The following TRIM25 variants were observed in gnomAD, a reference collection of about 807,000 sequenced individuals.
TRIM25 encodes the protein tripartite motif containing 25.
In TRIM25, 45 loss-of-function variants were observed where a neutral mutation model predicts 65.2. The observed-to-expected ratio is 0.69, with a 90% CI of 0.54 to 0.89. The LOEUF (loss-of-function observed/expected upper bound fraction) is 0.89, where lower values mean the gene tolerates loss of function less well. Ranked by LOEUF, TRIM25 falls within the 40% of genes least tolerant of loss-of-function variation. The pLI, the probability that TRIM25 is intolerant of heterozygous loss-of-function variation, is 0.00. For synonymous variants in TRIM25, 321 were observed against 340.4 expected (o/e 0.94, Z 0.63); for missense variants, 714 against 803.7 (o/e 0.89, Z 1.35).
In TRIM25 at chr17:56,913,664, G is replaced by A; in HGVS notation, c.325C>T (p.His109Tyr). ...TTCACGGCGGCCTCCTTCAGGCAGT[G>A]GTCGCAGGCCACCTGGGCATTCGGG... Reference protein sequence around the residue: ...PSPNAQVACDHCLKEAAVKTC... With the variant: ...PSPNAQVACDYCLKEAAVKTC... The change falls in exon 1 of 9, where the codon CAC (histidine) becomes TAC (tyrosine). Residue 109 changes from histidine to tyrosine, a missense_variant. By Grantham distance (83) the His-to-Tyr change is moderately conservative. Transcript: ENST00000316881. This position sits in a 1 kb window ranked among gnomAD's most constrained non-coding sequence, Gnocchi z 6.1. 1 of 1,595,544 alleles carries A rather than the reference G, an allele frequency of 6.3e-7. No individual in the cohort carries two copies.
At position 56,891,631 on chromosome 17, in the gene TRIM25, C is replaced by T; in HGVS notation, c.*69G>A. 1.5e-6 allele frequency: 2 copies of T among 1,315,492 alleles called. No individual in the cohort carries two copies. The highest frequency in any genetic ancestry group is 4.3e-5 in the East Asian group (1 of 23,216). The allele number at this position is 1,315,492 out of a possible 1,614,324, so 81.5% of individuals were successfully genotyped here. On this transcript the variant is annotated 3_prime_UTR_variant, in exon 9 of 9. Transcript: ENST00000316881. ...CTTGGGGAATTATCCAAGGAGAGTT[C>T]TGCCTGCTGTATTTTCACTAGGGTC...
Position 56,908,536 on chromosome 17 carries a change from T to C in TRIM25, c.625A>G (p.Met209Val), listed in dbSNP as rs775394976. ...EATLRHKLTV[M>V]YSQINGASRA... ...GACGCCCCGTTGATCTGACTGTACA[T>C]GACAGTTAGTTTGTGCCTCAGGGTG... Residue 209 changes from methionine (M) to valine (V), a missense_variant, in exon 2 of 9, where the codon ATG becomes GTG. Transcript: ENST00000316881. 1.2e-6 allele frequency: 2 copies of C among 1,614,046 alleles called. No individual in the cohort carries two copies. Among genetic ancestry groups the C allele is most frequent in the Non-Finnish European group, 1.7e-6 (2 of 1,180,026 alleles).
Position 56,891,553 on chromosome 17 carries a change from C to CA in TRIM25, c.*146dup. 2.0e-6 allele frequency: 1 copy of CA among 489,802 alleles called. No individual in the cohort carries two copies. The highest frequency in any genetic ancestry group is 3.6e-6 in the Non-Finnish European group (1 of 275,770). 30.3% of individuals were successfully genotyped at this position (489,802 alleles called of 1,614,324 possible). A position where few individuals can be genotyped will look rare whatever the true frequency, so the allele number is the denominator to read the frequency against. Reference sequence around the variant, plus strand: ...TCTCACCCCTTTCCTGGCTAAATCCCACCTCCCACCCTCCCGCCAGCTCCC... The same window carrying CA: ...TCTCACCCCTTTCCTGGCTAAATCCCAACCTCCCACCCTCCCGCCAGCTCCC... On this transcript the variant is annotated 3_prime_UTR_variant, in exon 9 of 9. Transcript: ENST00000316881.
rs1877656749 is a variant in TRIM25 at position 56,891,394 on chromosome 17, C to T, written c.*306G>A. On this transcript the variant is annotated 3_prime_UTR_variant, in exon 9 of 9. Transcript: ENST00000316881. ...GATTTTCTCTAAGAGGAATCGGGCA[C>T]TCATGACTTCACTTCCCAGAGCTCT... is the stretch of plus-strand genomic sequence containing the variant. 1 of 412,216 alleles carries T rather than the reference C, an allele frequency of 2.4e-6. No individual in the cohort carries two copies. Among genetic ancestry groups the T allele is most frequent in the South Asian group, 2.7e-5 (1 of 36,570 alleles). The allele number at this position is 412,216 out of a possible 1,614,324, so 25.5% of individuals were successfully genotyped here. A position where few individuals can be genotyped will look rare whatever the true frequency, so the allele number is the denominator to read the frequency against.
intron 8 of TRIM25, among the ~76,000 whole-genome samples, chr17:56,892,701 CA>C (rs1236549666): frequency 1.3e-5 from 2 of 152,224 alleles, no homozygotes; most frequent in Admixed American, 1.3e-4. Flanking sequence ...AGCCATCTAT[CA>C]TCTATCAGTC....
chr17:56,892,258 T>C (rs1909191256), intron 8 of TRIM25, 29 bp from the exon 9 acceptor site: 1 of 1,558,944 alleles, frequency 6.4e-7, no homozygotes, highest in Admixed American at 1.9e-5. Context: ...AAGGAATTAA[T>C]TACAAGGGGC....
chr17:56,904,682 G>A (rs1322561908), intron 2 of TRIM25, among the ~76,000 whole-genome samples, 194 bp from the exon 3 acceptor site: 1 of 152,168 alleles, frequency 6.6e-6, no homozygotes, highest in Non-Finnish European at 1.5e-5. Context: ...GGCAACTCCA[G>A]TCCTAGGAAT....
At chr17:56,895,721 G>T in intron 6 of TRIM25, 117 bp from the exon 7 acceptor site, 2 of 1,268,732 alleles carry the variant, frequency 1.6e-6, no homozygotes, top group Non-Finnish European at 1.1e-6. Context: ...CAACACAGGG[G>T]AAAACAGACA....
Position 56,891,400 on chromosome 17 carries a change from A to T in TRIM25, c.*300T>A. Reference sequence around the variant, plus strand: ...CTCTAAGAGGAATCGGGCACTCATGACTTCACTTCCCAGAGCTCTGCCCAG... The same window carrying T: ...CTCTAAGAGGAATCGGGCACTCATGTCTTCACTTCCCAGAGCTCTGCCCAG... On this transcript the variant is annotated 3_prime_UTR_variant, in exon 9 of 9. Coordinates refer to ENST00000316881, the MANE Select transcript of TRIM25 (RefSeq NM_005082.5). The T allele has an allele frequency of 2.4e-6, 1 of 421,666 alleles. No individual in the cohort carries two copies. The highest frequency in any genetic ancestry group is 2.7e-5 in the South Asian group (1 of 36,754). The allele number at this position is 421,666 out of a possible 1,614,324, so 26.1% of individuals were successfully genotyped here. A position where few individuals can be genotyped will look rare whatever the true frequency, so the allele number is the denominator to read the frequency against.
rs1598068965 is a variant in TRIM25 at position 56,891,212 on chromosome 17, G to A, written c.*488C>T. On this transcript the variant is annotated 3_prime_UTR_variant, in exon 9 of 9. Transcript: ENST00000316881. ...CAGGAGATCAAGCCCCAACATGCGG[G>A]TAATGGAGTTTATGTAACATTGAAA... 2.3e-5 allele frequency: 8 copies of A among 340,714 alleles called. No homozygotes were observed. Among genetic ancestry groups the A allele is most frequent in the South Asian group, 1.8e-4 (8 of 44,234 alleles). The allele number at this position is 340,714 out of a possible 1,614,324, so 21.1% of individuals were successfully genotyped here. A position where few individuals can be genotyped will look rare whatever the true frequency, so the allele number is the denominator to read the frequency against.
At chr17:56,895,809 A>T in intron 6 of TRIM25, 117 bp downstream of exon 6, 1 of 1,349,728 alleles carries the variant, frequency 7.4e-7, no homozygotes. Flanking sequence ...TACAGAATGG[A>T]ATCATATAGA....
intron 5 of TRIM25, 49 bp from the exon 6 acceptor site, chr17:56,896,001 T>C (rs1332138872): frequency 4.5e-6 from 7 of 1,563,104 alleles, no homozygotes; most frequent in Non-Finnish European, 6.1e-6. Flanking sequence ...CACAACACAA[T>C]GACATTTTCA....
intron 8 of TRIM25, among the ~76,000 whole-genome samples, 193 bp from the exon 9 acceptor site, chr17:56,892,422 A>C (rs544401653): frequency 1.3e-5 from 2 of 152,100 alleles, no homozygotes; most frequent in South Asian, 4.2e-4. Context: ...TGTATCCATC[A>C]ATCCATCCAT....
At position 56,913,888 on chromosome 17, in the gene TRIM25, C is replaced by A; in HGVS notation, c.101G>T (p.Gly34Val). The A allele has an allele frequency of 6.4e-7, 1 of 1,563,860 alleles. No individual in the cohort carries two copies. Among genetic ancestry groups the A allele is most frequent in the East Asian group, 2.4e-5 (1 of 42,150 alleles). ...VTTPCGHNFC[G>V]SCLNETWAVQ... is the part of the protein sequence containing the mutation. ...TGCCCACGTCTCATTCAGGCACGAC[C>A]CGCAGAAGTTGTGGCCGCACGGAGT... The change falls in exon 1 of 9, where the codon GGG (glycine) becomes GTG (valine). Residue 34 changes from glycine to valine, a missense_variant. This residue lies in a region of TRIM25 where 291 missense variants were observed against 281.8 expected (regional missense o/e 1.03). Transcript: ENST00000316881. The surrounding 1 kb of genome is among the most constrained non-coding windows in gnomAD (Gnocchi z 6.1).
In TRIM25 at chr17:56,907,854, T is replaced by C. The variant is rs373989553; in HGVS notation, c.693+614A>G. ...CTAAATCCAATGACAAGGGTTCTTA[T>C]TGGAGATGGAAGACACTAAGGGAAG... On this transcript the variant is annotated intron_variant, in intron 2 of 8. Coordinates refer to ENST00000316881, the MANE Select transcript of TRIM25 (RefSeq NM_005082.5). Among the ~76,000 whole-genome samples, 40 of 152,288 alleles carry C rather than the reference T, an allele frequency of 2.6e-4. No individual in the cohort carries two copies. In the East Asian group the frequency reaches 7.1e-3, roughly 27 times the overall value.
chr17:56,905,897 A>G (rs1265735845), intron 2 of TRIM25, among the ~76,000 whole-genome samples: 1 of 152,138 alleles, frequency 6.6e-6, no homozygotes, highest in Non-Finnish European at 1.5e-5. Context: ...CAGGAGTTCA[A>G]AGCTGCAGTG....
At chr17:56,901,317 A>G (rs1909405484) in intron 4 of TRIM25, 102 bp downstream of exon 4, 3 of 1,332,416 alleles carry the variant, frequency 2.3e-6, no homozygotes, top group South Asian at 1.4e-5. Context: ...CTCAGGCCCC[A>G]GTGCTCGGGA....
intron 5 of TRIM25, among the ~76,000 whole-genome samples, chr17:56,896,521 C>G (rs1034729700): frequency 1.1e-4 from 17 of 150,212 alleles, no homozygotes; most frequent in African/African-American, 3.9e-4. Flanking sequence ...AAAGAAAAAA[C>G]TAGCCAGGCC....
chr17:56,913,730 C>G lies in TRIM25; in HGVS notation c.259G>C (p.Ala87Pro), dbSNP rs946986265. 10 of 1,554,094 alleles carry G rather than the reference C, an allele frequency of 6.4e-6. No individual in the cohort carries two copies. The African/African-American group carries it at 1.4e-4, about 21-fold the overall frequency. ...LQADLAREPPADVWTPPARAS... is the reference protein window; with the variant it reads ...LQADLAREPPPDVWTPPARAS... Reference sequence around the variant, plus strand: ...CGGGCGGGCGGCGTCCAGACGTCGGCGGGTGGCTCCCGGGCCAGGTCGGCC... The same window carrying G: ...CGGGCGGGCGGCGTCCAGACGTCGGGGGGTGGCTCCCGGGCCAGGTCGGCC... The change falls in exon 1 of 9, where the codon GCC becomes CCC. Residue 87 changes from alanine to proline, a missense_variant. This residue lies in a region of TRIM25 where 291 missense variants were observed against 281.8 expected (regional missense o/e 1.03). Coordinates refer to ENST00000316881, the MANE Select transcript of TRIM25 (RefSeq NM_005082.5). This position sits in a 1 kb window ranked among gnomAD's most constrained non-coding sequence, Gnocchi z 6.1.
Sources: allele counts gnomAD v4.1 joint callset (sites outside exome capture counted in the v4.1 genomes callset), GRCh38; gene constraint gnomAD v4.1.1; regional missense constraint gnomAD v4.1.1; non-coding constraint Gnocchi (gnomAD v3.1); transcripts MANE v1.5; gene names NCBI Gene and HGNC (gene_info 2026-07-23, HGNC 2026-07-21).